The following SIAH3 variants were observed in gnomAD, a reference collection of about 807,000 sequenced individuals.
SIAH3 encodes siah E3 ubiquitin protein ligase family member 3.
Under a neutral mutation model 12.6 loss-of-function variants are expected in SIAH3, and 9 were observed. The observed-to-expected ratio is 0.72, with a 90% CI of 0.43 to 1.25. SIAH3 has a LOEUF of 1.25. Among genes scored for constraint, SIAH3 ranks in the 50% most tolerant of loss-of-function variants. The pLI, the probability that SIAH3 is intolerant of heterozygous loss-of-function variation, is 0.00. For synonymous variants in SIAH3, 154 were observed against 151.1 expected (o/e 1.02, Z -0.14); for missense variants, 390 against 365.4 (o/e 1.07, Z -0.55).
At chr13:45,784,398 GTTTTT>G (rs35686357) in intron 1 of SIAH3, among the ~76,000 whole-genome samples, 3 of 65,838 alleles carry the variant, frequency 4.6e-5, no homozygotes, top group African/African-American at 1.3e-4. Context: ...AAAGACAGCT[GTTTTT>G]TTTTTTTTTT....
chr13:45,848,478 T>C (rs560971310), intron 1 of SIAH3, among the ~76,000 whole-genome samples: 1 of 152,308 alleles, frequency 6.6e-6, no homozygotes, highest in Non-Finnish European at 1.5e-5. Flanking sequence ...TGCCTTCCAT[T>C]TAGAAGGAAA....
At chr13:45,807,456 T>C (rs1354378492) in intron 1 of SIAH3, among the ~76,000 whole-genome samples, 2 of 152,194 alleles carry the variant, frequency 1.3e-5, no homozygotes, top group African/African-American at 4.8e-5. Flanking sequence ...ACAAAGCAGA[T>C]TGTTAGAACA....
In SIAH3 at chr13:45,778,266, C is replaced by A. The variant is rs977845444; in HGVS notation, c.*5117G>T. On this transcript the variant is annotated 3_prime_UTR_variant, in exon 2 of 2. Coordinates refer to ENST00000400405, the MANE Select transcript of SIAH3 (RefSeq NM_198849.3). ...AAACATTTCTTTAGGTTTTGGCCAG[C>A]ATGTAAGAAAGAGGTAGGGAGGGTG... 6.6e-6 allele frequency: 1 copy of A among 152,118 alleles called. No homozygotes were observed. The highest frequency in any genetic ancestry group is 1.5e-5 in the Non-Finnish European group (1 of 68,024). 9.4% of individuals were successfully genotyped at this position (152,118 alleles called of 1,614,324 possible). A position where few individuals can be genotyped will look rare whatever the true frequency, so the allele number is the denominator to read the frequency against.
intron 1 of SIAH3, among the ~76,000 whole-genome samples, chr13:45,794,352 C>A (rs1430237887): frequency 1.3e-5 from 2 of 152,086 alleles, no homozygotes; most frequent in Non-Finnish European, 2.9e-5. Flanking sequence ...GTGCTAATAC[C>A]AGAGATACAA....
chr13:45,851,620 A>C lies in SIAH3; in HGVS notation c.10T>G (p.Phe4Val). ...AATACAGCCCCAAAGCACTGGGTAAAGAAAAGCATCACAACTTTTGGGGGG... is the reference window on the plus strand; with the variant it reads ...AATACAGCCCCAAAGCACTGGGTAACGAAAAGCATCACAACTTTTGGGGGG... MLF[F>V]TQCFGAVLDL... Residue 4 changes from phenylalanine to valine, a missense_variant, in exon 1 of 2, where the codon TTT becomes GTT. By Grantham distance (50) the Phe-to-Val change is conservative. Coordinates refer to ENST00000400405, the MANE Select transcript of SIAH3 (RefSeq NM_198849.3). The C allele has an allele frequency of 1.2e-6, 2 of 1,614,232 alleles. No individual in the cohort carries two copies. Among genetic ancestry groups the C allele is most frequent in the Non-Finnish European group, 1.7e-6 (2 of 1,180,046 alleles).
At chr13:45,784,668 C>T (rs1950521252) in intron 1 of SIAH3, among the ~76,000 whole-genome samples, 1 of 151,954 alleles carries the variant, frequency 6.6e-6, no homozygotes, top group African/African-American at 2.4e-5. Flanking sequence ...GCTGTGACTC[C>T]TGAGACTTTG....
intron 1 of SIAH3, among the ~76,000 whole-genome samples, chr13:45,834,586 C>T (rs2137579026): frequency 6.6e-6 from 1 of 152,318 alleles, no homozygotes; most frequent in Non-Finnish European, 1.5e-5. Context: ...TGGGCAGCAT[C>T]CCGGTCCTCT....
At position 45,846,643 on chromosome 13, in the gene SIAH3, G is replaced by A. The variant is rs539181501; in HGVS notation, c.135+4852C>T. Among the ~76,000 whole-genome samples the A allele has an allele frequency of 3.9e-4, 59 of 152,220 alleles. 1 individual carries two copies. In the South Asian group the frequency reaches 0.012, roughly 30 times the overall value. On this transcript the variant is annotated intron_variant, in intron 1 of 1. Transcript: ENST00000400405. ...ATCCAAGTAATTCAGACCTCTCTGC[G>A]GATTTCAAAGAAAGCTTTCCGTATC...
At chr13:45,842,266 A>G (rs1950742718) in intron 1 of SIAH3, among the ~76,000 whole-genome samples, 1 of 152,186 alleles carries the variant, frequency 6.6e-6, no homozygotes, top group African/African-American at 2.4e-5. Flanking sequence ...TGCAGGACTC[A>G]CCTACTAGTA....
At chr13:45,812,282 AG>A (rs746942861) in intron 1 of SIAH3, among the ~76,000 whole-genome samples, 2 of 152,184 alleles carry the variant, frequency 1.3e-5, no homozygotes, top group African/African-American at 2.4e-5. Context: ...CCTAAACCCC[AG>A]GAAAGGGGAC....
Position 45,826,632 on chromosome 13 carries a change from T to G in SIAH3, c.135+24863A>C, listed in dbSNP as rs188305968. On this transcript the variant is annotated intron_variant, in intron 1 of 1. Transcript: ENST00000400405. Reference sequence around the variant, plus strand: ...TGTTCATGTTGCAGCCTTCATCACATGTTAATAGCTCAATCCTAGCATAGT... The same window carrying G: ...TGTTCATGTTGCAGCCTTCATCACAGGTTAATAGCTCAATCCTAGCATAGT... Among the ~76,000 whole-genome samples, 214 of 152,282 alleles carry G rather than the reference T, an allele frequency of 1.4e-3. 2 individuals are homozygous for G. The highest frequency in any genetic ancestry group is 4.9e-3 in the African/African-American group (202 of 41,554).
intron 1 of SIAH3, among the ~76,000 whole-genome samples, chr13:45,786,329 A>G (rs1322546433): frequency 6.6e-6 from 1 of 152,138 alleles, no homozygotes; most frequent in Non-Finnish European, 1.5e-5. Flanking sequence ...GCCCCTCTCT[A>G]CCAGTCTTTA....
intron 1 of SIAH3, among the ~76,000 whole-genome samples, chr13:45,805,869 T>C (rs1207547962): frequency 6.6e-6 from 1 of 151,832 alleles, no homozygotes. Flanking sequence ...AGAAACCTAA[T>C]TCAACAAGCA....
At chr13:45,826,551 A>G (rs1340784779) in intron 1 of SIAH3, among the ~76,000 whole-genome samples, 9 of 151,300 alleles carry the variant, frequency 5.9e-5, no homozygotes. Flanking sequence ...GTGCTCCTTG[A>G]CTCTCCGGGC....
intron 1 of SIAH3, among the ~76,000 whole-genome samples, chr13:45,832,730 T>A (rs937473886): frequency 6.6e-6 from 1 of 152,230 alleles, no homozygotes; most frequent in Non-Finnish European, 1.5e-5. Context: ...TATGTTAAAT[T>A]TTTTTGAGGG....
At chr13:45,795,145 C>T (rs1203983384) in intron 1 of SIAH3, among the ~76,000 whole-genome samples, 1 of 152,194 alleles carries the variant, frequency 6.6e-6, no homozygotes, top group East Asian at 1.9e-4. Context: ...TGACTCAAAC[C>T]AATAAACCTT....
chr13:45,822,556 T>TATATA (rs58735572), intron 1 of SIAH3, among the ~76,000 whole-genome samples: 106 of 136,872 alleles, frequency 7.7e-4, no homozygotes, highest in South Asian at 1.8e-3. Flanking sequence ...TATATATATA[T>TATATA]TAGACTAGGG....
Position 45,827,168 on chromosome 13 carries a change from A to G in SIAH3, c.135+24327T>C, listed in dbSNP as rs115281130. Among the ~76,000 whole-genome samples, 916 of 152,272 alleles carry G rather than the reference A, an allele frequency of 6.0e-3. 12 individuals carry two copies. The highest frequency in any genetic ancestry group is 0.021 in the African/African-American group (864 of 41,536). On this transcript the variant is annotated intron_variant, in intron 1 of 1. Transcript: ENST00000400405. ...CCAGCTCTGGTCCGTGAAACTTAAG[A>G]GCTGTCTTTTGGAGGAGAGGATCCT...
In SIAH3 at chr13:45,803,733, G is replaced by GCT. The variant is rs543713046; in HGVS notation, c.136-19678_136-19677dup. ...TACACAGAAGAGGCCCCTATACATA[G>GCT]CTTCTATGCTATACATAGCATAGAA... On this transcript the variant is annotated intron_variant, in intron 1 of 1. Transcript: ENST00000400405. Among the ~76,000 whole-genome samples the GCT allele has an allele frequency of 4.3e-4, 66 of 152,172 alleles. 1 individual carries two copies. The East Asian group carries it at 0.013, about 29-fold the overall frequency.
Sources: gnomAD v4.1 joint callset for allele counts (sites outside exome capture counted in the v4.1 genomes callset) on GRCh38, gnomAD v4.1.1 for gene constraint, MANE v1.5 for transcripts, NCBI Gene and HGNC (gene_info 2026-07-23, HGNC 2026-07-21) for gene names.